The following PCDH15 variants were observed in gnomAD, a reference collection of about 807,000 sequenced individuals.
The protein encoded by PCDH15 is protocadherin-15.
Under a neutral mutation model 178.5 loss-of-function variants are expected in PCDH15, and 129 were observed. That is an observed-to-expected ratio of 0.72 (90% CI 0.63 to 0.84). PCDH15 has a LOEUF of 0.84. PCDH15 is among the 40% of genes least tolerant of loss of function. The pLI, the probability that PCDH15 is intolerant of heterozygous loss-of-function variation, is 0.00. For missense variants in PCDH15, 2,230 were observed against 2,099.9 expected, an observed-to-expected ratio of 1.06 and a Z score of -1.21; for synonymous variants, 800 against 732.0, an observed-to-expected ratio of 1.09 and a Z score of -1.50.
intron 1 of PCDH15, among the ~76,000 whole-genome samples, chr10:54,751,066 T>C (rs550346417): frequency 6.6e-6 from 1 of 152,138 alleles, no homozygotes; most frequent in Non-Finnish European, 1.5e-5. Flanking sequence ...AGCGAGCATA[T>C]GGTCTCTATA....
At chr10:54,829,897 G>C (rs1044607881) in intron 3 of PCDH15, among the ~76,000 whole-genome samples, 5 of 152,172 alleles carry the variant, frequency 3.3e-5, no homozygotes, top group African/African-American at 1.2e-4. Context: ...TCAATGAATG[G>C]AGTACACCTA....
At chr10:55,526,960 C>T (rs548746768) in intron 2 of PCDH15, among the ~76,000 whole-genome samples, 1 of 152,050 alleles carries the variant, frequency 6.6e-6, no homozygotes, top group Non-Finnish European at 1.5e-5. Context: ...TGTCTATACA[C>T]TGCCTAGCTG....
intron 2 of PCDH15, among the ~76,000 whole-genome samples, chr10:55,080,502 G>A (rs1028523241): frequency 4.6e-5 from 7 of 152,154 alleles, no homozygotes; most frequent in African/African-American, 1.7e-4. Context: ...AGGTCATGCT[G>A]TGTGAGCAGG....
At chr10:54,088,670 A>G (rs933376645) in intron 16 of PCDH15, among the ~76,000 whole-genome samples, 1 of 152,284 alleles carries the variant, frequency 6.6e-6, no homozygotes, top group South Asian at 2.1e-4. Context: ...TGTGGAATGC[A>G]GTTTTATCTC....
chr10:54,336,570 T>C (rs1941194665), intron 6 of PCDH15, among the ~76,000 whole-genome samples: 1 of 152,196 alleles, frequency 6.6e-6, no homozygotes, highest in Non-Finnish European at 1.5e-5. Context: ...CCTTGGTAGC[T>C]TTCACATGGT....
intron 1 of PCDH15, among the ~76,000 whole-genome samples, chr10:54,760,332 T>G: frequency 6.6e-6 from 1 of 152,068 alleles, no homozygotes; most frequent in East Asian, 1.9e-4. Flanking sequence ...GAATAACTGT[T>G]TTAAAACAGA....
chr10:54,104,561 G>T (rs1449231075), intron 15 of PCDH15, among the ~76,000 whole-genome samples: 1 of 151,806 alleles, frequency 6.6e-6, no homozygotes, highest in Non-Finnish European at 1.5e-5. Context: ...AGTTCAGCCG[G>T]GCGCGGTAGC....
intron 1 of PCDH15, among the ~76,000 whole-genome samples, chr10:55,179,410 C>T (rs1055961292): frequency 1.3e-5 from 2 of 152,016 alleles, no homozygotes; most frequent in African/African-American, 4.8e-5. Context: ...ACTGAGATGC[C>T]AGTTCTGGAT....
At chr10:54,032,603 T>A (rs182523527) in intron 18 of PCDH15, among the ~76,000 whole-genome samples, 1 of 152,172 alleles carries the variant, frequency 6.6e-6, no homozygotes, top group East Asian at 1.9e-4. Flanking sequence ...ATGTTTTCTG[T>A]TTATTAGAAG....
chr10:55,395,311 A>G (rs1174934783), intron 2 of PCDH15, among the ~76,000 whole-genome samples: 1 of 151,438 alleles, frequency 6.6e-6, no homozygotes, highest in Non-Finnish European at 1.5e-5. Flanking sequence ...TTCAGTCTTA[A>G]TTGTTTTGTC....
chr10:54,933,162 G>C (rs980391613), intron 2 of PCDH15, among the ~76,000 whole-genome samples: 7 of 151,858 alleles, frequency 4.6e-5, no homozygotes, highest in Admixed American at 4.6e-4. Flanking sequence ...ATCTAGGTTT[G>C]TGTAAGTACA....
intron 2 of PCDH15, among the ~76,000 whole-genome samples, chr10:55,412,517 T>A (rs1477844860): frequency 6.6e-6 from 1 of 151,894 alleles, no homozygotes. Context: ...AAAGGAAGAC[T>A]GGTTTCAAAT....
At chr10:53,940,526 G>A (rs1018489057) in intron 24 of PCDH15, among the ~76,000 whole-genome samples, 2 of 152,124 alleles carry the variant, frequency 1.3e-5, no homozygotes, top group Non-Finnish European at 2.9e-5. Flanking sequence ...CGAAGCTACT[G>A]TAGGCAATGA....
chr10:53,843,393 T>G (rs2132813863), intron 28 of PCDH15, among the ~76,000 whole-genome samples: 1 of 150,204 alleles, frequency 6.7e-6, no homozygotes, highest in South Asian at 2.1e-4. Context: ...GTATATAAAT[T>G]TCCTCACATA....
intron 6 of PCDH15, among the ~76,000 whole-genome samples, chr10:54,340,538 GA>G (rs1302512612): frequency 6.6e-6 from 1 of 152,178 alleles, no homozygotes; most frequent in Non-Finnish European, 1.5e-5. Flanking sequence ...TCAGAGGAAA[GA>G]ATGTGATTTA....
intron 3 of PCDH15, among the ~76,000 whole-genome samples, chr10:54,393,889 T>G (rs1375404826): frequency 6.6e-6 from 1 of 152,198 alleles, no homozygotes; most frequent in Non-Finnish European, 1.5e-5. Context: ...TGACTAATTT[T>G]GATGGGCAGA....
rs1203479632 is a variant in PCDH15, at chr10:53,808,705, T to C, written c.4672-1575A>G. The C allele has an allele frequency of 3.7e-6, 6 of 1,612,778 alleles. No homozygotes were observed. Among genetic ancestry groups the C allele is most frequent in the Middle Eastern group, 3.3e-4 (2 of 6,082 alleles). On this transcript the variant is annotated intron_variant, in intron 37 of 37. Coordinates refer to ENST00000644397, the MANE Select transcript of PCDH15 (RefSeq NM_001384140.1). ...CTGTGATCTCTTTCAAAGTGCTGTG[T>C]TGTAACCTTCAGAGTTTGCTCCTGG... is the stretch of plus-strand genomic sequence containing the variant.
At chr10:53,859,550 A>G (rs2078969525) in intron 27 of PCDH15, among the ~76,000 whole-genome samples, 1 of 152,042 alleles carries the variant, frequency 6.6e-6, no homozygotes, top group Non-Finnish European at 1.5e-5. Context: ...TACTATTAGT[A>G]TCCCTTGAAT....
chr10:54,115,020 C>A (rs1433944380), intron 15 of PCDH15, among the ~76,000 whole-genome samples: 1 of 152,126 alleles, frequency 6.6e-6, no homozygotes, highest in Non-Finnish European at 1.5e-5. Flanking sequence ...CAACTGACCA[C>A]AAAAGGGCAG....
Sources: allele counts gnomAD v4.1 joint callset (sites outside exome capture counted in the v4.1 genomes callset), GRCh38; gene constraint gnomAD v4.1.1; transcripts MANE v1.5; gene names NCBI Gene and HGNC (gene_info 2026-07-23, HGNC 2026-07-21).